PDE6D: variants seen among roughly 807,000 people sequenced by gnomAD.
The protein encoded by PDE6D is retinal rod rhodopsin-sensitive cGMP 3',5'-cyclic phosphodiesterase subunit delta.
In PDE6D, 10 loss-of-function variants were observed where a neutral mutation model predicts 21.9. That is an observed-to-expected ratio of 0.46 (90% CI 0.28 to 0.78). The LOEUF is 0.78. Ranked by LOEUF, PDE6D falls within the 30% of genes least tolerant of loss-of-function variation. PDE6D has a pLI of 0.12. For missense variants in PDE6D, 139 were observed against 184.8 expected, an observed-to-expected ratio of 0.75 and a Z score of 1.44; for synonymous variants, 59 against 63.5, an observed-to-expected ratio of 0.93 and a Z score of 0.34.
chr2:231,759,447 T>C (rs1029341962), intron 1 of PDE6D, among the ~76,000 whole-genome samples: 1 of 152,140 alleles, frequency 6.6e-6, no homozygotes, highest in African/African-American at 2.4e-5. Context: ...TGGAGCTTAT[T>C]ATTCGTGTGT....
intron 1 of PDE6D, among the ~76,000 whole-genome samples, chr2:231,752,560 T>C (rs1212585212): frequency 6.6e-6 from 1 of 152,182 alleles, no homozygotes; most frequent in Non-Finnish European, 1.5e-5. Flanking sequence ...TATTATCTTA[T>C]TCTTTCTCTA....
intron 3 of PDE6D, 57 bp downstream of exon 3, chr2:231,737,956 T>G (rs1456996544): frequency 3.3e-6 from 5 of 1,537,700 alleles, no homozygotes; most frequent in Non-Finnish European, 4.4e-6. Flanking sequence ...TGGGTATTGT[T>G]GCCTTTTGTC....
chr2:231,743,131 C>T (rs181701589), intron 1 of PDE6D, among the ~76,000 whole-genome samples: 62 of 151,952 alleles, frequency 4.1e-4, no homozygotes, highest in Admixed American at 3.4e-3. Flanking sequence ...TGCTGCTATA[C>T]GAGAAAAGTC....
Position 231,750,660 on chromosome 2 carries a change from A to ATTTTTTTT in PDE6D, c.51-11480_51-11473dup, listed in dbSNP as rs561604556. Among the ~76,000 whole-genome samples the ATTTTTTTT allele has an allele frequency of 1.1e-4, 10 of 92,118 alleles. 1 individual carries two copies. The highest frequency in any genetic ancestry group is 5.7e-4 in the African/African-American group (9 of 15,818). The allele number at this position is 92,118 out of a possible 152,430, so 60.4% of individuals were successfully genotyped here. ...AGGTGTGTGCCACCATGCTCATCTAATTTTTTTTTTTTTTTTTTTTTTTTT... is the reference window on the plus strand; with the variant it reads ...AGGTGTGTGCCACCATGCTCATCTAATTTTTTTTTTTTTTTTTTTTTTTTTTTTTTTTT... On this transcript the variant is annotated intron_variant, in intron 1 of 4. Coordinates refer to ENST00000287600, the MANE Select transcript of PDE6D (RefSeq NM_002601.4).
At chr2:231,760,202 A>G (rs2048915231) in intron 1 of PDE6D, among the ~76,000 whole-genome samples, 1 of 152,198 alleles carries the variant, frequency 6.6e-6, no homozygotes, top group Non-Finnish European at 1.5e-5. Flanking sequence ...GGAAGACTTT[A>G]CCAAGATATG....
chr2:231,734,739 C>T (rs913379365), intron 4 of PDE6D, among the ~76,000 whole-genome samples: 2 of 148,114 alleles, frequency 1.4e-5, no homozygotes, highest in Non-Finnish European at 1.5e-5. Flanking sequence ...CTCAGCTACT[C>T]AGGAGGCTGA....
intron 1 of PDE6D, among the ~76,000 whole-genome samples, chr2:231,747,450 T>C (rs2048803368): frequency 6.6e-6 from 1 of 151,736 alleles, no homozygotes; most frequent in South Asian, 2.1e-4. Flanking sequence ...AATGAGCTGG[T>C]TCATAAAATG....
intron 4 of PDE6D, among the ~76,000 whole-genome samples, chr2:231,735,638 T>G (rs1013129029): frequency 6.6e-6 from 1 of 151,756 alleles, no homozygotes; most frequent in African/African-American, 2.4e-5. Flanking sequence ...CTCAAACTCT[T>G]GGACTCAAGC....
At chr2:231,781,021 G>T (rs368895654) in intron 1 of PDE6D, 44 bp downstream of exon 1, 49 of 1,562,352 alleles carry the variant, frequency 3.1e-5, no homozygotes, top group Admixed American at 5.0e-5. Flanking sequence ...GTGAGCGGCC[G>T]CCTCCCAAGT....
chr2:231,753,392 A>C (rs540277881), intron 1 of PDE6D, among the ~76,000 whole-genome samples: 19 of 151,332 alleles, frequency 1.3e-4, no homozygotes, highest in African/African-American at 4.1e-4. Flanking sequence ...AAAAACAAAA[A>C]ACAAAAAACA....
chr2:231,751,886 TC>T (rs1202450328), intron 1 of PDE6D, among the ~76,000 whole-genome samples: 3 of 152,310 alleles, frequency 2.0e-5, no homozygotes, highest in South Asian at 4.1e-4. Context: ...TTCTACACTG[TC>T]CCCTTTGGAA....
chr2:231,734,098 C>T (rs1340765936), intron 4 of PDE6D, among the ~76,000 whole-genome samples: 1 of 151,910 alleles, frequency 6.6e-6, no homozygotes, highest in Non-Finnish European at 1.5e-5. Flanking sequence ...CCTATAGTCC[C>T]AGCTACTCGG....
At chr2:231,765,347 AC>A (rs1267871671) in intron 1 of PDE6D, among the ~76,000 whole-genome samples, 2 of 151,980 alleles carry the variant, frequency 1.3e-5, no homozygotes, top group African/African-American at 4.8e-5. Context: ...AAAAGCAAAA[AC>A]CAACCCACCA....
chr2:231,751,912 C>G (rs979816270), intron 1 of PDE6D, among the ~76,000 whole-genome samples: 1 of 152,154 alleles, frequency 6.6e-6, no homozygotes, highest in Non-Finnish European at 1.5e-5. Context: ...GTTACTAAAT[C>G]TGGCACAACT....
At chr2:231,733,155 C>A in intron 4 of PDE6D, 122 bp from the exon 5 acceptor site, 1 of 684,984 alleles carries the variant, frequency 1.5e-6, no homozygotes, top group Non-Finnish European at 2.7e-6. Context: ...CACCCAGAGT[C>A]TTAGCTTGGG....
intron 1 of PDE6D, among the ~76,000 whole-genome samples, chr2:231,740,680 CAA>C (rs3074722): frequency 0.011 from 650 of 56,938 alleles, no homozygotes; most frequent in Non-Finnish European, 0.014. Flanking sequence ...GACCCTGTCT[CAA>C]AAAAAAAAAA....
intron 4 of PDE6D, among the ~76,000 whole-genome samples, chr2:231,733,308 G>C (rs557369660): frequency 8.1e-4 from 124 of 152,316 alleles, no homozygotes; most frequent in Non-Finnish European, 1.5e-3. Flanking sequence ...CCTTAGTAGA[G>C]TGCTCTGCAC....
At chr2:231,748,264 A>G (rs2048810304) in intron 1 of PDE6D, among the ~76,000 whole-genome samples, 1 of 152,202 alleles carries the variant, frequency 6.6e-6, no homozygotes, top group Non-Finnish European at 1.5e-5. Context: ...AATATGGACA[A>G]TAAAATTCAG....
At chr2:231,743,509 GTCTA>G (rs1201817209) in intron 1 of PDE6D, among the ~76,000 whole-genome samples, 1 of 151,796 alleles carries the variant, frequency 6.6e-6, no homozygotes, top group African/African-American at 2.4e-5. Flanking sequence ...GTGATGAGGA[GTCTA>G]TCTTTCTGTG....
Sources: gnomAD v4.1 joint callset for allele counts (sites outside exome capture counted in the v4.1 genomes callset) on GRCh38, gnomAD v4.1.1 for gene constraint, MANE v1.5 for transcripts, NCBI Gene and HGNC (gene_info 2026-07-23, HGNC 2026-07-21) for gene names.